The following DENND1B variants were observed in gnomAD, a reference collection of about 807,000 sequenced individuals.
The protein encoded by DENND1B is DENN domain containing 1B, also known as DENN domain-containing protein 1B.
Under a neutral mutation model 90.1 loss-of-function variants are expected in DENND1B, and 59 were observed. The ratio of observed to expected loss-of-function variants is 0.65; its 90% CI spans 0.53 to 0.81. DENND1B has a LOEUF of 0.81. Ranked by LOEUF, DENND1B falls within the 40% of genes least tolerant of loss-of-function variation. The pLI is 0.00. For synonymous variants in DENND1B, 337 were observed against 324.6 expected (o/e 1.04, Z -0.41); for missense variants, 862 against 912.6 (o/e 0.94, Z 0.71).
chr1:197,694,483 T>C (rs1284615963), intron 3 of DENND1B, among the ~76,000 whole-genome samples: 4 of 151,448 alleles, frequency 2.6e-5, no homozygotes, highest in Non-Finnish European at 5.9e-5. Flanking sequence ...GAGATTTTCA[T>C]GTCATGTTAT....
intron 15 of DENND1B, among the ~76,000 whole-genome samples, chr1:197,572,107 TG>T (rs1673214682): frequency 6.6e-6 from 1 of 151,982 alleles, no homozygotes; most frequent in Non-Finnish European, 1.5e-5. Context: ...CAAAGCAGGG[TG>T]GGGCATCGCC....
chr1:197,574,504 T>C (rs1452219845), intron 15 of DENND1B, among the ~76,000 whole-genome samples: 1 of 152,110 alleles, frequency 6.6e-6, no homozygotes, highest in Non-Finnish European at 1.5e-5. Context: ...ATTTTGAAAA[T>C]GGCCATACTG....
At chr1:197,564,603 A>G (rs1290702384) in intron 15 of DENND1B, among the ~76,000 whole-genome samples, 1 of 151,948 alleles carries the variant, frequency 6.6e-6, no homozygotes, top group African/African-American at 2.4e-5. Flanking sequence ...CTTTATTGCA[A>G]TATTCACTTT....
chr1:197,640,477 A>T (rs1474315011), intron 10 of DENND1B, among the ~76,000 whole-genome samples: 1 of 151,848 alleles, frequency 6.6e-6, no homozygotes, highest in Non-Finnish European at 1.5e-5. Flanking sequence ...TGTCTCAAAA[A>T]AAAAAAAAAA....
intron 6 of DENND1B, among the ~76,000 whole-genome samples, chr1:197,655,733 T>C (rs369977940): frequency 4.6e-5 from 7 of 151,948 alleles, no homozygotes; most frequent in African/African-American, 1.7e-4. Flanking sequence ...GGGGTTTCAC[T>C]GTGTGAGCCA....
chr1:197,757,000 T>C lies in DENND1B; in HGVS notation c.82+15868A>G, dbSNP rs191598530. 1.6e-3 allele frequency among the ~76,000 whole-genome samples: 234 copies of C among 150,572 alleles called. 1 individual carries two copies. The highest frequency in any genetic ancestry group is 4.4e-3 in the African/African-American group (180 of 41,238). On this transcript the variant is annotated intron_variant, in intron 2 of 22. Coordinates refer to ENST00000620048, the MANE Select transcript of DENND1B (RefSeq NM_001195215.2). ...TGTTAAATATATTTATATATATATA[T>C]ACACACTATATATATACACAGACAC...
At chr1:197,600,504 C>A (rs1479083083) in intron 13 of DENND1B, among the ~76,000 whole-genome samples, 1 of 151,662 alleles carries the variant, frequency 6.6e-6, no homozygotes, top group African/African-American at 2.4e-5. Context: ...AAAGAGCATA[C>A]CTTAAACCTA....
chr1:197,753,962 T>C (rs1256920425), intron 2 of DENND1B, among the ~76,000 whole-genome samples: 1 of 151,910 alleles, frequency 6.6e-6, no homozygotes, highest in Non-Finnish European at 1.5e-5. Context: ...ATCGTGCCAC[T>C]GCACTCCAGC....
chr1:197,616,321 C>G (rs1397945971), intron 11 of DENND1B, among the ~76,000 whole-genome samples: 2 of 150,860 alleles, frequency 1.3e-5, no homozygotes, highest in Non-Finnish European at 3.0e-5. Flanking sequence ...TTAAGGAATG[C>G]TAAAATATTA....
At position 197,510,466 on chromosome 1, in the gene DENND1B, T is replaced by C. The variant is rs750633201; in HGVS notation, c.2322A>G (p.Gln774=). ...NISDKNTNGN[Q]T The stretch of plus-strand genomic sequence containing the variant: ...AGAAGCTTGGATGCAAGATTTAAGT[T>C]TGGTTTCCATTTGTGTTTTTGTCTG... Residue 774 remains glutamine (Q), a synonymous_variant, in exon 23 of 23, where the codon CAA becomes CAG. Coordinates refer to ENST00000620048, the MANE Select transcript of DENND1B (RefSeq NM_001195215.2). 4.4e-6 allele frequency: 7 copies of C among 1,600,510 alleles called. No individual in the cohort carries two copies. The highest frequency in any genetic ancestry group is 4.0e-5 in the African/African-American group (3 of 74,176).
intron 2 of DENND1B, among the ~76,000 whole-genome samples, chr1:197,760,029 T>C (rs1278663841): frequency 1.3e-5 from 2 of 152,212 alleles, no homozygotes; most frequent in East Asian, 3.9e-4. Context: ...GTCTGTCATA[T>C]ATATTAAACA....
chr1:197,766,466 G>A (rs1411798621), intron 2 of DENND1B, among the ~76,000 whole-genome samples: 4 of 152,190 alleles, frequency 2.6e-5, no homozygotes, highest in African/African-American at 9.7e-5. Context: ...TTTTCCAAAT[G>A]TTAGAGTTTT....
intron 3 of DENND1B, among the ~76,000 whole-genome samples, chr1:197,702,984 T>C (rs1328916884): frequency 1.3e-5 from 2 of 152,092 alleles, no homozygotes; most frequent in East Asian, 1.9e-4. Context: ...TTTGCTTTTT[T>C]TGTTGTTTTG....
intron 2 of DENND1B, among the ~76,000 whole-genome samples, chr1:197,736,884 C>G (rs573268913): frequency 6.6e-6 from 1 of 152,286 alleles, no homozygotes; most frequent in South Asian, 2.1e-4. Flanking sequence ...TTTGCGACTG[C>G]TGAGTACACA....
intron 3 of DENND1B, chr1:197,690,124 T>C (rs936740886): frequency 4.0e-6 from 1 of 248,484 alleles, no homozygotes. Flanking sequence ...ACAACTGAAG[T>C]AGAGTCTGTT....
chr1:197,562,541 T>C (rs984889078), intron 15 of DENND1B, among the ~76,000 whole-genome samples: 1 of 151,864 alleles, frequency 6.6e-6, no homozygotes, highest in Admixed American at 6.6e-5. Context: ...ATCATAATTG[T>C]TTTAGGGTGC....
At chr1:197,660,617 C>T (rs945000392) in intron 5 of DENND1B, among the ~76,000 whole-genome samples, 22 of 151,902 alleles carry the variant, frequency 1.4e-4, no homozygotes, top group African/African-American at 4.8e-4. Flanking sequence ...TAGAAGAGTG[C>T]CTAAGAGTTT....
chr1:197,707,543 A>G (rs867507151), intron 3 of DENND1B, among the ~76,000 whole-genome samples: 1 of 149,076 alleles, frequency 6.7e-6, no homozygotes, highest in African/African-American at 2.5e-5. Flanking sequence ...TAATATCTAT[A>G]TCATTATCAC....
intron 10 of DENND1B, among the ~76,000 whole-genome samples, chr1:197,628,572 C>A (rs1224927547): frequency 6.6e-6 from 1 of 151,992 alleles, no homozygotes; most frequent in Non-Finnish European, 1.5e-5. Flanking sequence ...CCATAAAAAC[C>A]CTAGAAGAAA....
Sources: allele counts gnomAD v4.1 joint callset (sites outside exome capture counted in the v4.1 genomes callset), GRCh38; gene constraint gnomAD v4.1.1; transcripts MANE v1.5; gene names NCBI Gene and HGNC (gene_info 2026-07-23, HGNC 2026-07-21).